NRXN1: variants seen among roughly 807,000 people sequenced by gnomAD.
NRXN1 encodes neurexin-1.
In NRXN1, 39 loss-of-function variants were observed where a neutral mutation model predicts 150.9. The ratio of observed to expected loss-of-function variants is 0.26; its 90% CI spans 0.20 to 0.34. NRXN1 has a LOEUF of 0.34. Ranked by LOEUF, NRXN1 falls within the 10% of genes least tolerant of loss-of-function variation. The probability of loss-of-function intolerance (pLI) is 1.00; values close to 1 mark genes in which losing one functional copy is unlikely to be tolerated. For missense variants in NRXN1, 1,815 were observed against 1,949.9 expected (o/e 0.93, Z 1.30); for synonymous variants, 924 against 757.0 (o/e 1.22, Z -3.62).
chr2:50,447,479 CAAAAAAAAAAAAAAA>C (rs35878890), intron 17 of NRXN1, among the ~76,000 whole-genome samples: 1 of 38,552 alleles, frequency 2.6e-5, no homozygotes, highest in Non-Finnish European at 4.6e-5. Flanking sequence ...GACTCTGTCT[CAAAAAAAAAAAAAAA>C]AAAAAAAAAA....
chr2:50,298,434 T>A (rs1161630717), intron 17 of NRXN1, among the ~76,000 whole-genome samples: 1 of 152,074 alleles, frequency 6.6e-6, no homozygotes, highest in Non-Finnish European at 1.5e-5. Flanking sequence ...CCCAGGGAAA[T>A]TTTCATGAAA....
chr2:49,985,319 T>C (rs1158309467), intron 21 of NRXN1, among the ~76,000 whole-genome samples: 1 of 152,170 alleles, frequency 6.6e-6, no homozygotes, highest in Non-Finnish European at 1.5e-5. Context: ...ATTTTATTTT[T>C]GACATAACTC....
At chr2:50,680,603 G>A (rs189745139) in intron 5 of NRXN1, among the ~76,000 whole-genome samples, 1 of 152,018 alleles carries the variant, frequency 6.6e-6, no homozygotes, top group Non-Finnish European at 1.5e-5. Context: ...AAATTTTTTA[G>A]ATTGATAACC....
intron 5 of NRXN1, among the ~76,000 whole-genome samples, chr2:50,848,221 C>T (rs1287878470): frequency 6.6e-6 from 1 of 152,140 alleles, no homozygotes; most frequent in Admixed American, 6.5e-5. Flanking sequence ...ACTGAAGCAG[C>T]CAGCCACATC....
At position 50,983,017 on chromosome 2, in the gene NRXN1, T is replaced by TTA. The variant is rs893045291; in HGVS notation, c.772+44483_772+44484dup. 1.1e-4 allele frequency among the ~76,000 whole-genome samples: 16 copies of TTA among 151,972 alleles called. No individual in the cohort carries two copies. The East Asian group carries it at 2.5e-3, about 24-fold the overall frequency. ...TAAAAAATGTGTTGGTCAAGGAGTT[T>TTA]TATATATATATAGTTCTATTAATTC... On this transcript the variant is annotated intron_variant, in intron 2 of 22. Transcript: ENST00000401669.
chr2:50,780,868 T>G (rs1049721130), intron 5 of NRXN1, among the ~76,000 whole-genome samples: 19 of 152,172 alleles, frequency 1.2e-4, no homozygotes, highest in African/African-American at 3.9e-4. Context: ...CTGGGTATCT[T>G]TCTCTTAATT....
At chr2:50,969,904 T>C (rs1694742775) in intron 2 of NRXN1, among the ~76,000 whole-genome samples, 1 of 152,178 alleles carries the variant, frequency 6.6e-6, no homozygotes, top group Admixed American at 6.6e-5. Flanking sequence ...AATTGTCCAC[T>C]TTTATGCTTA....
chr2:50,259,066 T>G (rs1238538229), intron 17 of NRXN1, among the ~76,000 whole-genome samples: 1 of 151,938 alleles, frequency 6.6e-6, no homozygotes, highest in Admixed American at 6.6e-5. Flanking sequence ...TTAATAAGCA[T>G]TGGCTTCAAC....
intron 8 of NRXN1, among the ~76,000 whole-genome samples, chr2:50,591,000 T>C (rs1443707683): frequency 6.6e-6 from 1 of 152,180 alleles, no homozygotes; most frequent in African/African-American, 2.4e-5. Flanking sequence ...CTGAGGTCTC[T>C]GTCTTTTATT....
intron 5 of NRXN1, among the ~76,000 whole-genome samples, chr2:50,873,175 T>A (rs1678047413): frequency 1.3e-5 from 2 of 151,856 alleles, no homozygotes. Context: ...AACCATAATA[T>A]CTAGCCCTTG....
intron 8 of NRXN1, among the ~76,000 whole-genome samples, chr2:50,567,003 A>G (rs1558947589): frequency 6.6e-6 from 1 of 152,050 alleles, no homozygotes; most frequent in African/African-American, 2.4e-5. Flanking sequence ...AAATAATATT[A>G]ATAATAATAA....
chr2:50,446,084 G>A (rs1242318309), intron 17 of NRXN1, among the ~76,000 whole-genome samples: 1 of 151,002 alleles, frequency 6.6e-6, no homozygotes, highest in Non-Finnish European at 1.5e-5. Context: ...AACTCATATT[G>A]CTCACTAAAG....
rs193299570 is a variant in NRXN1 at position 50,637,804 on chromosome 2, C to T, written c.833-14189G>A. 3.3e-5 allele frequency among the ~76,000 whole-genome samples: 5 copies of T among 151,634 alleles called. No homozygotes were observed. In the East Asian group the frequency reaches 9.7e-4, roughly 30 times the overall value. On this transcript the variant is annotated intron_variant, in intron 5 of 22. Coordinates refer to ENST00000401669, the MANE Select transcript of NRXN1 (RefSeq NM_001330078.2). ...AAAGCAGGGACATGCCAGAGAATGGCTGTGAGGGGACAGCCTAATCATTCA... is the reference window on the plus strand; with the variant it reads ...AAAGCAGGGACATGCCAGAGAATGGTTGTGAGGGGACAGCCTAATCATTCA...
At chr2:50,222,407 C>G (rs2063966614) in intron 18 of NRXN1, among the ~76,000 whole-genome samples, 1 of 151,910 alleles carries the variant, frequency 6.6e-6, no homozygotes, top group Non-Finnish European at 1.5e-5. Flanking sequence ...GACCAATTTG[C>G]TTTTATATGA....
intron 18 of NRXN1, among the ~76,000 whole-genome samples, chr2:50,123,589 T>A (rs1272699058): frequency 1.3e-5 from 2 of 152,082 alleles, no homozygotes; most frequent in Non-Finnish European, 2.9e-5. Context: ...ATTCTCAGAG[T>A]CTTTGGGAAT....
chr2:50,914,649 A>C (rs1385257375), intron 5 of NRXN1, among the ~76,000 whole-genome samples: 1 of 151,758 alleles, frequency 6.6e-6, no homozygotes, highest in Non-Finnish European at 1.5e-5. Flanking sequence ...AAAAAGTGTC[A>C]AATCTGAGGC....
At chr2:50,206,627 G>A (rs969785002) in intron 18 of NRXN1, among the ~76,000 whole-genome samples, 1 of 151,904 alleles carries the variant, frequency 6.6e-6, no homozygotes, top group Non-Finnish European at 1.5e-5. Flanking sequence ...AACTCCCAAG[G>A]AGCTGACATT....
intron 21 of NRXN1, among the ~76,000 whole-genome samples, chr2:49,975,170 G>C (rs900134386): frequency 1.3e-5 from 2 of 151,316 alleles, no homozygotes; most frequent in African/African-American, 4.9e-5. Context: ...TAAGTGATGA[G>C]ACCGGTGTGT....
At chr2:50,006,986 C>CA (rs1684874685) in intron 21 of NRXN1, among the ~76,000 whole-genome samples, 1 of 152,168 alleles carries the variant, frequency 6.6e-6, no homozygotes, top group Non-Finnish European at 1.5e-5. Flanking sequence ...GAAATGCATG[C>CA]ACTAGGCAGA....
Sources: allele counts gnomAD v4.1 joint callset (sites outside exome capture counted in the v4.1 genomes callset), GRCh38; gene constraint gnomAD v4.1.1; transcripts MANE v1.5; gene names NCBI Gene and HGNC (gene_info 2026-07-23, HGNC 2026-07-21).